ITSN1: variants seen among roughly 807,000 people sequenced by gnomAD.
ITSN1 encodes the protein intersectin-1.
A neutral mutation model predicts 239.8 loss-of-function variants in ITSN1; 58 were observed. The observed-to-expected ratio is 0.24, with a 90% confidence interval of 0.20 to 0.30. ITSN1 has a LOEUF of 0.30. Among genes scored for constraint, ITSN1 ranks in the 10% least tolerant of loss-of-function variants. The pLI is 1.00. For synonymous variants in ITSN1, 780 were observed against 770.8 expected (o/e 1.01, Z -0.20); for missense variants, 1,558 against 2,103.3 (o/e 0.74, Z 5.07).
intron 27 of ITSN1, among the ~76,000 whole-genome samples, chr21:33,831,761 C>T (rs1602502853): frequency 6.6e-6 from 1 of 152,180 alleles, no homozygotes; most frequent in African/African-American, 2.4e-5. Flanking sequence ...AAGGCACAAC[C>T]TGGAGTGTAA....
In ITSN1 at chr21:33,886,402, C is replaced by T; in HGVS notation, c.4959C>T (p.Asp1653=). The stretch of plus-strand genomic sequence containing the variant: ...CCAACTGCCAGTTCTTCATCCGAGA[C>T]CTGGAGCAGGAAGTCCTCTGCATCA... ...WNSNCQFFIR[D]LEQEVLCITV... The change falls in exon 39 of 40, where the codon GAC becomes GAT. Residue 1653 remains aspartate, a synonymous_variant. Coordinates refer to ENST00000381318, the MANE Select transcript of ITSN1 (RefSeq NM_003024.3). 1.2e-6 allele frequency: 2 copies of T among 1,613,272 alleles called. No individual in the cohort carries two copies. The highest frequency in any genetic ancestry group is 1.7e-6 in the Non-Finnish European group (2 of 1,179,640).
chr21:33,711,359 A>G lies in ITSN1; in HGVS notation c.-32-7438A>G, dbSNP rs187705489. Among the ~76,000 whole-genome samples, 353 of 147,828 alleles carry G rather than the reference A, an allele frequency of 2.4e-3. 1 individual carries two copies. Among genetic ancestry groups the G allele is most frequent in the African/African-American group, 8.6e-3 (342 of 39,990 alleles). On this transcript the variant is annotated intron_variant, in intron 1 of 39. Transcript: ENST00000381318. ...AAAGTTTGATTTTGTAATTTTCTCTATTGTCTGCATTTTTATTCATCCTGC... is the reference window on the plus strand; with the variant it reads ...AAAGTTTGATTTTGTAATTTTCTCTGTTGTCTGCATTTTTATTCATCCTGC...
At chr21:33,822,314 C>T (rs1250062889) in intron 24 of ITSN1, among the ~76,000 whole-genome samples, 1 of 152,190 alleles carries the variant, frequency 6.6e-6, no homozygotes. Flanking sequence ...TAAAAAATTC[C>T]TACCTCTTAC....
rs748947140 is a variant in ITSN1 at position 33,888,264 on chromosome 21, G to T, written c.5130G>T (p.Val1710=). The change falls in exon 40 of 40, where the codon GTG becomes GTT. Residue 1710 remains valine, a synonymous_variant. Transcript: ENST00000381318. Reference sequence around the variant, plus strand: ...ACGAAGTCCCCACGGGAGAGATTGTGGTCCGCTTGGACCTGCAGTTGTTTG... The same window carrying T: ...ACGAAGTCCCCACGGGAGAGATTGTTGTCCGCTTGGACCTGCAGTTGTTTG... ...LLHEVPTGEI[V]VRLDLQLFDE... 9.3e-6 allele frequency: 15 copies of T among 1,613,880 alleles called. No individual in the cohort carries two copies. The highest frequency in any genetic ancestry group is 1.2e-5 in the Non-Finnish European group (14 of 1,179,972).
intron 25 of ITSN1, among the ~76,000 whole-genome samples, chr21:33,824,981 G>A (rs1385083972): frequency 5.3e-5 from 8 of 152,298 alleles, no homozygotes; most frequent in Admixed American, 1.3e-4. Context: ...CCAGCAAGTC[G>A]AGTCCAATGA....
intron 1 of ITSN1, among the ~76,000 whole-genome samples, chr21:33,691,791 C>G (rs561057901): frequency 7.2e-5 from 11 of 152,334 alleles, no homozygotes; most frequent in African/African-American, 2.6e-4. Context: ...GAGATCATCT[C>G]TCTGATGTCT....
chr21:33,813,966 C>A lies in ITSN1; in HGVS notation c.2621C>A (p.Ala874Glu), dbSNP rs775173579. Residue 874 changes from alanine to glutamate, a missense_variant, in exon 22 of 40, where the codon GCA becomes GAA. Ala to Glu is a moderately radical substitution (Grantham distance 107). Coordinates refer to ENST00000381318, the MANE Select transcript of ITSN1 (RefSeq NM_003024.3). Reference protein sequence around the residue: ...KPETDNWDAWAAQPSLTVPSA... With the variant: ...KPETDNWDAWEAQPSLTVPSA... The stretch of plus-strand genomic sequence containing the variant: ...GAAACGGATAACTGGGATGCATGGG[C>A]AGCCCAGCCCTCTCTCACCGTTCCA... 26 of 1,613,942 alleles carry A rather than the reference C, an allele frequency of 1.6e-5. No homozygotes were observed. The highest frequency in any genetic ancestry group is 6.7e-5 in the Admixed American group (4 of 59,996).
At chr21:33,753,951 A>G (rs186160530) in intron 7 of ITSN1, among the ~76,000 whole-genome samples, 2 of 152,164 alleles carry the variant, frequency 1.3e-5, no homozygotes, top group Admixed American at 1.3e-4. Flanking sequence ...TAATAACTTA[A>G]ATTTCTAGCC....
chr21:33,673,007 C>T (rs1029277014), intron 1 of ITSN1, among the ~76,000 whole-genome samples: 10 of 151,866 alleles, frequency 6.6e-5, no homozygotes, highest in African/African-American at 2.2e-4. Context: ...CCACGCCTGG[C>T]GGAAACGATT....
intron 1 of ITSN1, among the ~76,000 whole-genome samples, chr21:33,692,410 G>C (rs1477647509): frequency 6.6e-6 from 1 of 152,144 alleles, no homozygotes; most frequent in East Asian, 1.9e-4. Flanking sequence ...TTGCTAACCT[G>C]CTGTGAGAAT....
intron 12 of ITSN1, 89 bp from the exon 13 acceptor site, chr21:33,774,640 G>A (rs2069450399): frequency 3.2e-6 from 4 of 1,249,888 alleles, no homozygotes; most frequent in Non-Finnish European, 4.4e-6. Context: ...TCCCTAAAAG[G>A]AAAGACTTCC....
intron 1 of ITSN1, among the ~76,000 whole-genome samples, chr21:33,647,253 A>T (rs2088046275): frequency 6.6e-6 from 1 of 152,196 alleles, no homozygotes; most frequent in Non-Finnish European, 1.5e-5. Context: ...GTAGAAAACT[A>T]TGAAATACCC....
At chr21:33,835,746 C>T (rs1372155923) in intron 28 of ITSN1, among the ~76,000 whole-genome samples, 1 of 152,124 alleles carries the variant, frequency 6.6e-6, no homozygotes, top group Non-Finnish European at 1.5e-5. Flanking sequence ...GCCTGGCCAA[C>T]ATGGTGAAAC....
In ITSN1 at chr21:33,719,227, G is replaced by C. The variant is rs530562884; in HGVS notation, c.28+371G>C. 3.3e-4 allele frequency among the ~76,000 whole-genome samples: 51 copies of C among 152,248 alleles called. No homozygotes were observed. The East Asian group carries it at 9.5e-3, about 28-fold the overall frequency. ...AGGCCGAGGCTGGTGGATCACCTGA[G>C]GTCTGGAGTTCAAGACCAGCCTGGC... On this transcript the variant is annotated intron_variant, in intron 2 of 39. Coordinates refer to ENST00000381318, the MANE Select transcript of ITSN1 (RefSeq NM_003024.3).
chr21:33,883,254 T>TTA (rs1182477427), intron 35 of ITSN1, among the ~76,000 whole-genome samples: 1 of 152,210 alleles, frequency 6.6e-6, no homozygotes, highest in Non-Finnish European at 1.5e-5. Flanking sequence ...GAACCCATAT[T>TTA]TATCATATTT....
chr21:33,734,353 G>C (rs2066366995), intron 4 of ITSN1, among the ~76,000 whole-genome samples: 1 of 152,078 alleles, frequency 6.6e-6, no homozygotes, highest in Non-Finnish European at 1.5e-5. Context: ...GTTTGCACTT[G>C]GACCGTGTAT....
Position 33,882,485 on chromosome 21 carries a change from AG to A in ITSN1, c.4554+33del. 2 of 1,588,936 alleles carry A rather than the reference AG, an allele frequency of 1.3e-6. No homozygotes were observed. Among genetic ancestry groups the A allele is most frequent in the Middle Eastern group, 1.7e-4 (1 of 5,990 alleles). On this transcript the variant is annotated intron_variant, in intron 35 of 39. Coordinates refer to ENST00000381318, the MANE Select transcript of ITSN1 (RefSeq NM_003024.3). The surrounding 1 kb of genome is among the most constrained non-coding windows in gnomAD (Gnocchi z 4.5). The stretch of plus-strand genomic sequence containing the variant: ...GTTGGATTCTAGATTTTGCATTATC[AG>A]GGTTGACGTGTTTGGGGAGGAAGAA...
chr21:33,666,005 T>C (rs535419643), intron 1 of ITSN1, among the ~76,000 whole-genome samples: 1 of 151,874 alleles, frequency 6.6e-6, no homozygotes, highest in East Asian at 1.9e-4. Context: ...CTCAGCTCAC[T>C]GCAACCTCTG....
At chr21:33,804,058 A>G (rs1166226819) in intron 20 of ITSN1, among the ~76,000 whole-genome samples, 1 of 152,186 alleles carries the variant, frequency 6.6e-6, no homozygotes, top group Non-Finnish European at 1.5e-5. Flanking sequence ...ACAAATGATG[A>G]GCATGAGACA....
Sources: allele counts gnomAD v4.1 joint callset (sites outside exome capture counted in the v4.1 genomes callset), GRCh38; gene constraint gnomAD v4.1.1; non-coding constraint Gnocchi (gnomAD v3.1); transcripts MANE v1.5; gene names NCBI Gene and HGNC (gene_info 2026-07-23, HGNC 2026-07-21).